STX5: variants seen among roughly 807,000 people sequenced by gnomAD.
STX5 encodes syntaxin 5.
A neutral mutation model predicts 42.9 loss-of-function variants in STX5; 15 were observed. That is an observed-to-expected ratio of 0.35 (90% CI 0.23 to 0.54). STX5 has a LOEUF of 0.54. Among genes scored for constraint, STX5 ranks in the 20% least tolerant of loss-of-function variants. The pLI is 0.91. For synonymous variants in STX5, 184 were observed against 173.2 expected (o/e 1.06, Z -0.49); for missense variants, 430 against 455.0 (o/e 0.95, Z 0.50).
intron 10 of STX5, among the ~76,000 whole-genome samples, chr11:62,820,294 G>C (rs1199723621): frequency 6.6e-6 from 1 of 150,614 alleles, no homozygotes; most frequent in African/African-American, 2.4e-5. Context: ...GCGTGAACCT[G>C]TGAGGTGGAG....
At chr11:62,829,109 G>A (rs910315248) in intron 2 of STX5, among the ~76,000 whole-genome samples, 3 of 151,768 alleles carry the variant, frequency 2.0e-5, no homozygotes, top group South Asian at 2.1e-4. Context: ...CTGCTTACTC[G>A]GGTCCCACTG....
chr11:62,815,423 A>G (rs1362831203), intron 10 of STX5, among the ~76,000 whole-genome samples: 1 of 151,616 alleles, frequency 6.6e-6, no homozygotes, highest in Non-Finnish European at 1.5e-5. Context: ...CACAGACATA[A>G]CTGGGTGTGG....
chr11:62,826,384 CCT>C (rs1209117375), intron 5 of STX5, among the ~76,000 whole-genome samples: 1 of 150,084 alleles, frequency 6.7e-6, no homozygotes, highest in East Asian at 2.0e-4. Flanking sequence ...GTGGAGAAAC[CCT>C]GTCTCTACTA....
intron 2 of STX5, among the ~76,000 whole-genome samples, chr11:62,829,019 C>T (rs866989776): frequency 6.6e-6 from 1 of 151,236 alleles, no homozygotes; most frequent in Non-Finnish European, 1.5e-5. Flanking sequence ...ACCCAGATCA[C>T]GTCACTGCAC....
At chr11:62,830,613 C>A (rs2084845787) in intron 2 of STX5, 5 of 462,148 alleles carry the variant, frequency 1.1e-5, no homozygotes, top group Admixed American at 5.0e-5. Flanking sequence ...GAGATAAAAA[C>A]TAATATGTAA....
At chr11:62,809,310 C>CAGATGG (rs1168557742) in intron 10 of STX5, among the ~76,000 whole-genome samples, 2 of 134,346 alleles carry the variant, frequency 1.5e-5, no homozygotes, top group Admixed American at 1.5e-4. Flanking sequence ...AAAAAAAAAT[C>CAGATGG]AGATGGGGAA....
chr11:62,810,401 T>TAC (rs2084604818), intron 10 of STX5, among the ~76,000 whole-genome samples: 1 of 152,118 alleles, frequency 6.6e-6, no homozygotes, highest in African/African-American at 2.4e-5. Flanking sequence ...ATTATTGCGC[T>TAC]ACTGCACTAT....
chr11:62,831,882 G>A (rs776909991), intron 1 of STX5, 72 bp downstream of exon 1: 50 of 456,218 alleles, frequency 1.1e-4, no homozygotes, highest in Non-Finnish European at 2.0e-4. Flanking sequence ...CCCCCCGCCA[G>A]TCGTCGCCCC....
chr11:62,819,162 A>C (rs1054285360), intron 10 of STX5, among the ~76,000 whole-genome samples: 3 of 133,968 alleles, frequency 2.2e-5, no homozygotes, highest in African/African-American at 8.3e-5. Context: ...CAGAGCTTGC[A>C]GTAAGCCGAG....
chr11:62,807,633 G>C lies in STX5; in HGVS notation c.909-5C>G, dbSNP rs772788682. On this transcript the variant is annotated splice_polypyrimidine_tract_variant and splice_region_variant and intron_variant, in intron 10 of 10. Transcript: ENST00000294179. ...CCTAGCACGTTCTCGTCGATCCTGGGGACAAGGCCGGGAGAAGAGGAAACA... is the reference window on the plus strand; with the variant it reads ...CCTAGCACGTTCTCGTCGATCCTGGCGACAAGGCCGGGAGAAGAGGAAACA... 3 of 1,613,940 alleles carry C rather than the reference G, an allele frequency of 1.9e-6. No individual in the cohort carries two copies. The highest frequency in any genetic ancestry group is 1.7e-6 in the Non-Finnish European group (2 of 1,179,980).
chr11:62,826,696 C>T (rs920871072), intron 5 of STX5, among the ~76,000 whole-genome samples: 1 of 151,942 alleles, frequency 6.6e-6, no homozygotes, highest in Non-Finnish European at 1.5e-5. Flanking sequence ...CGAGACCAGC[C>T]TGGCATACCC....
rs866986139 is a variant in STX5, at chr11:62,832,015, C to T, written c.-81G>A. 8.4e-6 allele frequency: 4 copies of T among 474,262 alleles called. No individual in the cohort carries two copies. Among genetic ancestry groups the T allele is most frequent in the South Asian group, 1.5e-5 (1 of 64,730 alleles). 29.4% of individuals were successfully genotyped at this position (474,262 alleles called of 1,614,324 possible). On this transcript the variant is annotated 5_prime_UTR_variant, in exon 1 of 11. Transcript: ENST00000294179. Reference sequence around the variant, plus strand: ...TCTCACCGGCCGTCACTGCCTCCTCCCCGAGCACTGAAGCCGCCGAAACCC... The same window carrying T: ...TCTCACCGGCCGTCACTGCCTCCTCTCCGAGCACTGAAGCCGCCGAAACCC...
At position 62,831,092 on chromosome 11, in the gene STX5, G is replaced by C. The variant is rs3802945; in HGVS notation, c.152C>G (p.Pro51Arg). The C allele has an allele frequency of 1.7e-5, 26 of 1,556,032 alleles. No individual in the cohort carries two copies. The highest frequency in any genetic ancestry group is 2.2e-5 in the Non-Finnish European group (25 of 1,150,236). ...ATCCCGGCAGGACATGGTGTCGGGA[G>C]GGGGAGGGACGAGGGTCACTGGGGG... ...LPPPVTLVPP[P>R]PDTMSCRDRT... Residue 51 changes from proline (P) to arginine (R), a missense_variant, in exon 2 of 11, where the codon CCT becomes CGT. Physicochemically the swap from Pro to Arg is moderately radical, Grantham distance 103. Transcript: ENST00000294179.
chr11:62,831,295 C>A, intron 1 of STX5, 33 bp from the exon 2 acceptor site: 1 of 1,467,984 alleles, frequency 6.8e-7, no homozygotes. Context: ...ATTCCCCAGG[C>A]AACTTCTTTA....
intron 10 of STX5, among the ~76,000 whole-genome samples, chr11:62,822,675 CTTTT>C (rs56767185): frequency 7.7e-6 from 1 of 130,014 alleles, no homozygotes; most frequent in Non-Finnish European, 1.7e-5. Context: ...TGTTGACTAT[CTTTT>C]TTTTTTTTTT....
At chr11:62,821,791 G>A (rs2084743180) in intron 10 of STX5, among the ~76,000 whole-genome samples, 1 of 152,032 alleles carries the variant, frequency 6.6e-6, no homozygotes, top group Non-Finnish European at 1.5e-5. Flanking sequence ...ACTTTGGGAA[G>A]CTGAAGTGGG....
intron 10 of STX5, among the ~76,000 whole-genome samples, chr11:62,823,312 C>T (rs763845458): frequency 6.6e-6 from 1 of 151,752 alleles, no homozygotes; most frequent in Non-Finnish European, 1.5e-5. Flanking sequence ...GTAGCTGGAA[C>T]CACAGGCACA....
chr11:62,819,199 CA>C (rs2084710140), intron 10 of STX5, among the ~76,000 whole-genome samples: 1 of 104,480 alleles, frequency 9.6e-6, no homozygotes, highest in Admixed American at 1.6e-4. Flanking sequence ...CCAGCCTGGG[CA>C]ACAGAGTGAG....
intron 10 of STX5, among the ~76,000 whole-genome samples, chr11:62,817,851 TA>T (rs1859100188): frequency 1.3e-5 from 2 of 152,132 alleles, no homozygotes; most frequent in African/African-American, 4.8e-5. Context: ...ACTTATTATA[TA>T]AGACATGTAC....
Sources: allele counts gnomAD v4.1 joint callset (sites outside exome capture counted in the v4.1 genomes callset), GRCh38; gene constraint gnomAD v4.1.1; transcripts MANE v1.5; gene names NCBI Gene and HGNC (gene_info 2026-07-23, HGNC 2026-07-21).